The following CLDN18 variants were observed in gnomAD, a reference collection of about 807,000 sequenced individuals.
The protein encoded by CLDN18 is claudin-18.
Under a neutral mutation model 25.0 loss-of-function variants are expected in CLDN18, and 20 were observed. The ratio of observed to expected loss-of-function variants is 0.80; its 90% CI spans 0.56 to 1.16. The LOEUF is 1.16. Ranked by LOEUF, CLDN18 falls within the 50% of genes most tolerant of loss-of-function variation. The pLI, the probability that CLDN18 is intolerant of heterozygous loss-of-function variation, is 0.00. For synonymous variants in CLDN18, 125 were observed against 135.6 expected, an observed-to-expected ratio of 0.92 and a Z score of 0.54; for missense variants, 297 against 345.4, an observed-to-expected ratio of 0.86 and a Z score of 1.11.
At chr3:138,029,245 A>T (rs1240958575) in intron 3 of CLDN18, among the ~76,000 whole-genome samples, 1 of 152,126 alleles carries the variant, frequency 6.6e-6, no homozygotes, top group Non-Finnish European at 1.5e-5. Context: ...TCTCAGGTTC[A>T]AGGAATTCTC....
chr3:138,025,725 CT>C (rs1381012486), intron 3 of CLDN18, among the ~76,000 whole-genome samples: 1 of 152,218 alleles, frequency 6.6e-6, no homozygotes, highest in Non-Finnish European at 1.5e-5. Flanking sequence ...TCATTCCAGT[CT>C]GCCTGGGACT....
At chr3:138,025,607 T>G (rs1394517751) in intron 3 of CLDN18, among the ~76,000 whole-genome samples, 1 of 152,144 alleles carries the variant, frequency 6.6e-6, no homozygotes, top group Non-Finnish European at 1.5e-5. Context: ...TCCCCATTCA[T>G]TTTTCTGCTT....
chr3:138,018,924 C>G (rs1942241016), intron 1 of CLDN18, among the ~76,000 whole-genome samples: 1 of 152,152 alleles, frequency 6.6e-6, no homozygotes, highest in South Asian at 2.1e-4. Context: ...TTCTTCTTTT[C>G]AAATTTTCTT....
intron 1 of CLDN18, among the ~76,000 whole-genome samples, chr3:138,017,802 A>G (rs540491363): frequency 4.6e-5 from 7 of 152,262 alleles, no homozygotes; most frequent in Non-Finnish European, 1.0e-4. Flanking sequence ...ATATGTAGAC[A>G]AACATCTAAA....
At chr3:138,013,418 G>A (rs1022944765) in intron 1 of CLDN18, among the ~76,000 whole-genome samples, 1 of 152,176 alleles carries the variant, frequency 6.6e-6, no homozygotes, top group African/African-American at 2.4e-5. Flanking sequence ...CACAACAAAA[G>A]TTTACTTCCT....
intron 1 of CLDN18, among the ~76,000 whole-genome samples, chr3:138,011,449 G>T (rs1162198214): frequency 1.3e-5 from 2 of 152,144 alleles, no homozygotes; most frequent in Non-Finnish European, 2.9e-5. Flanking sequence ...CAGAGTAGAA[G>T]AATTTGATTA....
upstream of CLDN18, among the ~76,000 whole-genome samples, chr3:138,006,090 G>A (rs1441575892): frequency 1.3e-5 from 2 of 152,146 alleles, no homozygotes; most frequent in Admixed American, 1.3e-4. Flanking sequence ...TAAGAAGGAA[G>A]TATGCCAAAT....
chr3:138,014,227 G>A (rs187832270), intron 1 of CLDN18, among the ~76,000 whole-genome samples: 7 of 152,282 alleles, frequency 4.6e-5, no homozygotes, highest in Admixed American at 6.5e-5. Flanking sequence ...TCAGACCCAC[G>A]AAAGGAGAGG....
At chr3:138,019,618 A>G (rs1343213361) in intron 1 of CLDN18, among the ~76,000 whole-genome samples, 1 of 152,182 alleles carries the variant, frequency 6.6e-6, no homozygotes, top group African/African-American at 2.4e-5. Context: ...CCCTTCTTGA[A>G]AGCTGTTGTC....
chr3:138,000,288 G>C (rs1942002264), intron 1 of CLDN18, among the ~76,000 whole-genome samples: 1 of 152,152 alleles, frequency 6.6e-6, no homozygotes, highest in Non-Finnish European at 1.5e-5. Flanking sequence ...GGGTGAAACT[G>C]CAAGACTCCA....
upstream of CLDN18, among the ~76,000 whole-genome samples, chr3:138,005,886 A>C (rs1326016097): frequency 6.6e-6 from 1 of 151,862 alleles, no homozygotes; most frequent in Non-Finnish European, 1.5e-5. Context: ...TTATTCAAAA[A>C]AATGGGGGAA....
chr3:137,999,487 C>T (rs1423153874), intron 1 of CLDN18, among the ~76,000 whole-genome samples: 1 of 152,162 alleles, frequency 6.6e-6, no homozygotes, highest in Admixed American at 6.5e-5. Flanking sequence ...TGAACAGATT[C>T]CATCTTCAGG....
At chr3:138,013,100 T>C (rs767003143) in intron 1 of CLDN18, among the ~76,000 whole-genome samples, 1 of 152,228 alleles carries the variant, frequency 6.6e-6, no homozygotes, top group Non-Finnish European at 1.5e-5. Flanking sequence ...TTGAATTAAA[T>C]AGTACGAATA....
chr3:138,029,625 A>G (rs1383782593), intron 3 of CLDN18, among the ~76,000 whole-genome samples, 172 bp from the exon 4 acceptor site: 1 of 152,118 alleles, frequency 6.6e-6, no homozygotes, highest in East Asian at 1.9e-4. Flanking sequence ...TCTACTCTCC[A>G]GGGTACCTGA....
chr3:138,023,719 C>T lies in CLDN18; in HGVS notation c.282C>T (p.Leu94=). 6.2e-7 allele frequency: 1 copy of T among 1,614,128 alleles called. No individual in the cohort carries two copies. Among genetic ancestry groups the T allele is most frequent in the Non-Finnish European group, 8.5e-7 (1 of 1,180,018 alleles). ...IVGIVLGAIG[L]LVSIFALKCI... is the part of the protein sequence containing the mutation. ...GCATCGTCCTGGGTGCCATTGGCCT[C>T]CTGGTATCCATCTTTGCCCTGAAAT... Residue 94 remains leucine (L), a synonymous_variant, in exon 2 of 5, where the codon CTC becomes CTT. Coordinates refer to ENST00000183605, the MANE Select transcript of CLDN18 (RefSeq NM_016369.4).
chr3:138,015,254 A>T (rs1232253401), intron 1 of CLDN18, among the ~76,000 whole-genome samples: 3 of 152,246 alleles, frequency 2.0e-5, no homozygotes, highest in Non-Finnish European at 2.9e-5. Context: ...AAGGAGATAA[A>T]ACAGCCCGAG....
At chr3:138,027,905 C>A (rs1043581135) in intron 3 of CLDN18, among the ~76,000 whole-genome samples, 1 of 152,082 alleles carries the variant, frequency 6.6e-6, no homozygotes, top group African/African-American at 2.4e-5. Flanking sequence ...AGGCAGAAGC[C>A]CTTAAACCAA....
At chr3:138,009,126 A>C (rs576512337), upstream of CLDN18, among the ~76,000 whole-genome samples, 3 of 152,242 alleles carry the variant, frequency 2.0e-5, no homozygotes. Context: ...TGTAGAAGAT[A>C]GTGTATGAGA....
At chr3:138,007,694 T>A (rs1312824177), upstream of CLDN18, among the ~76,000 whole-genome samples, 3 of 152,216 alleles carry the variant, frequency 2.0e-5, no homozygotes, top group East Asian at 5.8e-4. Context: ...ATGAAATAAA[T>A]TTTTAAAATG....
Sources: gnomAD v4.1 joint callset for allele counts (sites outside exome capture counted in the v4.1 genomes callset) on GRCh38, gnomAD v4.1.1 for gene constraint, MANE v1.5 for transcripts, NCBI Gene and HGNC (gene_info 2026-07-23, HGNC 2026-07-21) for gene names.